PEX6: variants seen among roughly 807,000 people sequenced by gnomAD.
The protein encoded by PEX6 is peroxisomal biogenesis factor 6.
A neutral mutation model predicts 85.6 loss-of-function variants in PEX6; 55 were observed. The observed-to-expected ratio is 0.64, with a 90% CI of 0.52 to 0.80. PEX6 has a LOEUF of 0.80. Among genes scored for constraint, PEX6 ranks in the 30% least tolerant of loss-of-function variants. PEX6 has a pLI of 0.00. For synonymous variants in PEX6, 519 were observed against 549.1 expected, an observed-to-expected ratio of 0.95 and a Z score of 0.77; for missense variants, 1,099 against 1,260.3, an observed-to-expected ratio of 0.87 and a Z score of 1.94.
In PEX6 at chr6:42,966,410, T is replaced by G; in HGVS notation, c.2132A>C (p.Gln711Pro). 1 of 1,614,102 alleles carries G rather than the reference T, an allele frequency of 6.2e-7. No individual in the cohort carries two copies. ...CTCCAGGATCTCCTTCTTCACCTCC[T>G]GCAGCCCACCCACATCATGCCAGGA... is the stretch of plus-strand genomic sequence containing the variant. Reference protein sequence around the residue: ...SVSWHDVGGLQEVKKEILETI... With the variant: ...SVSWHDVGGLPEVKKEILETI... Residue 711 changes from glutamine to proline, a missense_variant, in exon 11 of 17, where the codon CAG becomes CCG. Around this residue, in one of 3 missense-constraint regions of PEX6, gnomAD observed 514 missense variants for 627.0 expected, o/e 0.82. Coordinates refer to ENST00000304611, the MANE Select transcript of PEX6 (RefSeq NM_000287.4).
In PEX6 at chr6:42,965,512, C is replaced by A; in HGVS notation, c.2472-144G>T. 1 of 892,636 alleles carries A rather than the reference C, an allele frequency of 1.1e-6. No homozygotes were observed. Among genetic ancestry groups the A allele is most frequent in the East Asian group, 2.4e-5 (1 of 41,636 alleles). The allele number at this position is 892,636 out of a possible 1,614,324, so 55.3% of individuals were successfully genotyped here. On this transcript the variant is annotated intron_variant, in intron 13 of 16. Coordinates refer to ENST00000304611, the MANE Select transcript of PEX6 (RefSeq NM_000287.4). The surrounding 1 kb of genome is among the most constrained non-coding windows in gnomAD (Gnocchi z 5.0). ...GTGCCCCACCAGGTAGGCCCCCATT[C>A]TCCTCAGTGGACCCTGCCCAATTTC...
rs767430981 is a variant in PEX6, at chr6:42,964,424, G to A, written c.2854C>T (p.Leu952=). Residue 952 remains leucine, a synonymous_variant, in exon 17 of 17, where the codon CTG becomes TTG. Coordinates refer to ENST00000304611, the MANE Select transcript of PEX6 (RefSeq NM_000287.4). This position sits in a 1 kb window ranked among gnomAD's most constrained non-coding sequence, Gnocchi z 4.6. ...GGTTGCAGCCGGGCGGCAGCCTGCAGCAAGTCCTCCATGGTGAGCATCAGT... is the reference window on the plus strand; with the variant it reads ...GGTTGCAGCCGGGCGGCAGCCTGCAACAAGTCCTCCATGGTGAGCATCAGT... ...SALMLTMEDL[L]QAAARLQPSV... is the part of the protein sequence containing the mutation. The A allele has an allele frequency of 1.1e-5, 17 of 1,613,770 alleles. No individual in the cohort carries two copies. Among genetic ancestry groups the A allele is most frequent in the Middle Eastern group, 1.7e-4 (1 of 5,982 alleles).
chr6:42,967,266 C>T (rs1030990567), intron 8 of PEX6, 102 bp downstream of exon 8: 45 of 1,194,728 alleles, frequency 3.8e-5, no homozygotes, highest in Middle Eastern at 1.9e-4. Context: ...ACGGCGCCCG[C>T]GCTGGGTTTT....
At chr6:42,968,258 C>G (rs769688980) in intron 7 of PEX6, 32 bp downstream of exon 7, 2 of 1,597,486 alleles carry the variant, frequency 1.3e-6, no homozygotes, top group East Asian at 2.2e-5. Flanking sequence ...CCGGCCCCCC[C>G]AGCTTTGAGA....
chr6:42,977,804 AAAAAG>A (rs1436062384), intron 1 of PEX6, among the ~76,000 whole-genome samples: 2 of 149,394 alleles, frequency 1.3e-5, no homozygotes, highest in Non-Finnish European at 3.0e-5. Flanking sequence ...GGAAAGAAAG[AAAAAG>A]AAAATAGATA....
Position 42,978,495 on chromosome 6 carries a change from T to A in PEX6, c.656A>T (p.Gln219Leu). 6.2e-7 allele frequency: 1 copy of A among 1,614,032 alleles called. No homozygotes were observed. The highest frequency in any genetic ancestry group is 2.2e-5 in the East Asian group (1 of 44,856). The change falls in exon 1 of 17, where the codon CAG becomes CTG. Residue 219 changes from glutamine (Q) to leucine (L), a missense_variant. By Grantham distance (113) the Gln-to-Leu change is moderately radical (BLOSUM62 -2). Around this residue, in one of 3 missense-constraint regions of PEX6, gnomAD observed 579 missense variants for 611.6 expected, o/e 0.95. Transcript: ENST00000304611. ...RSCLRGLGLF[Q>L]GEWVWVAQAR... ...CTGGGCCACCCACACCCATTCGCCC[T>A]GGAAGAGGCCAAGGCCACGGAGACA...
At chr6:42,968,253 C>G (rs376954362) in intron 7 of PEX6, 37 bp downstream of exon 7, 19 of 1,580,180 alleles carry the variant, frequency 1.2e-5, no homozygotes, top group African/African-American at 1.3e-5. Flanking sequence ...CCCAGCCGGC[C>G]CCCCCAGCTT....
chr6:42,969,802 C>A lies in PEX6; in HGVS notation c.1234-1G>T, dbSNP rs1554127533. ...GAACAGGGCTCAGGGTAGAACCCACCTGTGAAAGGTAATAAAAAGCTTTCG... is the reference window on the plus strand; with the variant it reads ...GAACAGGGCTCAGGGTAGAACCCACATGTGAAAGGTAATAAAAAGCTTTCG... On this transcript the variant is annotated splice_acceptor_variant, in intron 4 of 16. Transcript: ENST00000304611. LOFTEE classifies it high-confidence loss of function. The A allele has an allele frequency of 6.2e-7, 1 of 1,613,372 alleles. No homozygotes were observed. The highest frequency in any genetic ancestry group is 8.5e-7 in the Non-Finnish European group (1 of 1,180,036).
In PEX6 at chr6:42,968,465, C is replaced by T. The variant is rs1769929969; in HGVS notation, c.1513G>A (p.Gly505Arg). ...PCSSLCAESS[G>R]AVETKLQAIF... is the part of the protein sequence containing the mutation. ...GCCTGCAGTTTTGTCTCCACAGCCC[C>T]ACTACTTTCTGCACAGAGGCTGGAG... Residue 505 changes from glycine to arginine, a missense_variant, in exon 7 of 17, where the codon GGG (glycine) becomes AGG (arginine). Around this residue, in one of 3 missense-constraint regions of PEX6, gnomAD observed 514 missense variants for 627.0 expected, o/e 0.82. Transcript: ENST00000304611. 3 of 1,595,668 alleles carry T rather than the reference C, an allele frequency of 1.9e-6. No homozygotes were observed. Among genetic ancestry groups the T allele is most frequent in the African/African-American group, 1.3e-5 (1 of 74,562 alleles).
Position 42,966,777 on chromosome 6 carries a change from C to T in PEX6, c.1961+5G>A, listed in dbSNP as rs1561821078. On this transcript the variant is annotated splice_donor_5th_base_variant and intron_variant, in intron 9 of 16. Coordinates refer to ENST00000304611, the MANE Select transcript of PEX6 (RefSeq NM_000287.4). ...TCCGCCTTTCCGGTGCCCACGTCCTCTTACCCTGAGTTCTTGATCCTGGTG... is the reference window on the plus strand; with the variant it reads ...TCCGCCTTTCCGGTGCCCACGTCCTTTTACCCTGAGTTCTTGATCCTGGTG... 1 of 1,613,910 alleles carries T rather than the reference C, an allele frequency of 6.2e-7. No homozygotes were observed. The highest frequency in any genetic ancestry group is 8.5e-7 in the Non-Finnish European group (1 of 1,180,016).
At position 42,974,902 on chromosome 6, in the gene PEX6, A is replaced by G. The variant is rs764231803; in HGVS notation, c.1019T>C (p.Val340Ala). ...GGGTATCTGAAAGTGCCGGTAAAGA[A>G]CACCGTCATAATTTCCATTAGTGCT... is the stretch of plus-strand genomic sequence containing the variant. Reference protein sequence around the residue: ...HYSTNGNYDGVLYRHFQIPRV... With the variant: ...HYSTNGNYDGALYRHFQIPRV... The change falls in exon 2 of 17, where the codon GTT becomes GCT. Residue 340 changes from valine to alanine, a missense_variant. Transcript: ENST00000304611. 1 of 1,614,078 alleles carries G rather than the reference A, an allele frequency of 6.2e-7. No homozygotes were observed. The highest frequency in any genetic ancestry group is 8.5e-7 in the Non-Finnish European group (1 of 1,179,970).
intron 1 of PEX6, among the ~76,000 whole-genome samples, chr6:42,976,238 T>TAAATTTAA (rs1248305787): frequency 6.6e-6 from 1 of 152,180 alleles, no homozygotes; most frequent in Non-Finnish European, 1.5e-5. Flanking sequence ...TAGTTTTAAC[T>TAAATTTAA]AAATTTAAAA....
At position 42,965,025 on chromosome 6, in the gene PEX6, A is replaced by G. The variant is rs1023840396; in HGVS notation, c.2666+50T>C. ...ATCCTGCATGTTGCATGCATCCCCT[A>G]AGCATCCCAAGGCCCAAGCCCTTCG... is the stretch of plus-strand genomic sequence containing the variant. On this transcript the variant is annotated intron_variant, in intron 15 of 16. Transcript: ENST00000304611. The surrounding 1 kb of genome is among the most constrained non-coding windows in gnomAD (Gnocchi z 5.0). The G allele has an allele frequency of 2.1e-5, 34 of 1,611,312 alleles. No individual in the cohort carries two copies. Among genetic ancestry groups the G allele is most frequent in the Non-Finnish European group, 2.6e-5 (31 of 1,177,512 alleles).
rs543501129 is a variant in PEX6, at chr6:42,976,383, GAC to G, written c.883-1347_883-1346del. 2.6e-5 allele frequency among the ~76,000 whole-genome samples: 4 copies of G among 151,432 alleles called. No individual in the cohort carries two copies. In the South Asian group the frequency reaches 8.3e-4, roughly 32 times the overall value. Reference sequence around the variant, plus strand: ...AACTTTCATTTTTTTCTTTTTTTGAGACAGAATCTTGCTCTGTCACCCAGGTT... The same window carrying G: ...AACTTTCATTTTTTTCTTTTTTTGAGAGAATCTTGCTCTGTCACCCAGGTT... On this transcript the variant is annotated intron_variant, in intron 1 of 16. Transcript: ENST00000304611.
Position 42,964,529 on chromosome 6 carries a change from G to A in PEX6, c.2807-58C>T, listed in dbSNP as rs1441079045. 14 of 1,597,574 alleles carry A rather than the reference G, an allele frequency of 8.8e-6. No individual in the cohort carries two copies. In the Admixed American group the frequency reaches 1.0e-4, roughly 11 times the overall value. ...ATGCCCAGGCAGGGGAGAGCCCTGC[G>A]AAGGTGGCTTCCTGCTCAGGGTCTC... On this transcript the variant is annotated intron_variant, in intron 16 of 16. Transcript: ENST00000304611. This position sits in a 1 kb window ranked among gnomAD's most constrained non-coding sequence, Gnocchi z 4.6.
Position 42,971,907 on chromosome 6 carries a change from A to C in PEX6, c.1131-1920T>G, listed in dbSNP as rs1239640149. Reference sequence around the variant, plus strand: ...GAAAGCTAGCTCAAAGACGTTTGCTAAATTTATGATAGGAGAGAGAGGTGG... The same window carrying C: ...GAAAGCTAGCTCAAAGACGTTTGCTCAATTTATGATAGGAGAGAGAGGTGG... On this transcript the variant is annotated intron_variant, in intron 3 of 16. Coordinates refer to ENST00000304611, the MANE Select transcript of PEX6 (RefSeq NM_000287.4). This position sits in a 1 kb window ranked among gnomAD's most constrained non-coding sequence, Gnocchi z 4.4. Among the ~76,000 whole-genome samples the C allele has an allele frequency of 6.6e-6, 1 of 152,234 alleles. No individual in the cohort carries two copies. The highest frequency in any genetic ancestry group is 2.4e-5 in the African/African-American group (1 of 41,470).
rs398123305 is a variant in PEX6, at chr6:42,978,460, A to ACT, written c.689_690dup (p.Ser232HisfsTer15). ...AAGTGCGGCTGTGAAGTGTTCGATG[A>ACT]CTCTCTGGCCTGGGCCACCCACACC... On this transcript the variant is annotated frameshift_variant, in exon 1 of 17. Transcript: ENST00000304611. LOFTEE classifies it high-confidence loss of function. The ACT allele has an allele frequency of 6.2e-7, 1 of 1,613,714 alleles. No homozygotes were observed. The highest frequency in any genetic ancestry group is 8.5e-7 in the Non-Finnish European group (1 of 1,179,920).
At chr6:42,968,245 C>A in intron 7 of PEX6, 45 bp downstream of exon 7, 1 of 1,555,508 alleles carries the variant, frequency 6.4e-7, no homozygotes, top group Non-Finnish European at 8.9e-7. Flanking sequence ...CCACCGCGCC[C>A]AGCCGGCCCC....
chr6:42,977,847 T>G (rs34638472), intron 1 of PEX6, among the ~76,000 whole-genome samples: 26,404 of 140,562 alleles, frequency 0.19, 3,069 homozygotes, highest in African/African-American at 0.27. Context: ...TTATGCTTTT[T>G]TTTTTTTTTT....
Sources: gnomAD v4.1 joint callset for allele counts (sites outside exome capture counted in the v4.1 genomes callset) on GRCh38, gnomAD v4.1.1 for gene constraint, gnomAD v4.1.1 regional missense constraint, Gnocchi (gnomAD v3.1) non-coding constraint, MANE v1.5 for transcripts, NCBI Gene and HGNC (gene_info 2026-07-23, HGNC 2026-07-21) for gene names.